The following ESRRG variants were observed in gnomAD, a reference collection of about 807,000 sequenced individuals.
ESRRG encodes estrogen-related receptor gamma.
Under a neutral mutation model 44.0 loss-of-function variants are expected in ESRRG, and 13 were observed. The ratio of observed to expected loss-of-function variants is 0.30; its 90% CI spans 0.19 to 0.47. ESRRG has a LOEUF of 0.47. Among genes scored for constraint, ESRRG ranks in the 20% least tolerant of loss-of-function variants. The pLI is 1.00. For synonymous variants in ESRRG, 215 were observed against 214.6 expected, an observed-to-expected ratio of 1.00 and a Z score of -0.02; for missense variants, 395 against 580.6, an observed-to-expected ratio of 0.68 and a Z score of 3.29.
At chr1:216,995,767 T>A (rs1401291987) in intron 1 of ESRRG, among the ~76,000 whole-genome samples, 2 of 152,236 alleles carry the variant, frequency 1.3e-5, no homozygotes, top group African/African-American at 4.8e-5. Context: ...TATGAATAAA[T>A]AAATGAGGTC....
At chr1:216,957,869 T>A (rs2068259750) in intron 1 of ESRRG, among the ~76,000 whole-genome samples, 2 of 152,184 alleles carry the variant, frequency 1.3e-5, no homozygotes, top group Non-Finnish European at 2.9e-5. Context: ...TTGACTATTG[T>A]AAAACCATCT....
At chr1:217,028,883 A>G (rs2081597976) in intron 1 of ESRRG, among the ~76,000 whole-genome samples, 1 of 152,204 alleles carries the variant, frequency 6.6e-6, no homozygotes, top group African/African-American at 2.4e-5. Flanking sequence ...TTGAAAAAAT[A>G]CTAAGTATTG....
chr1:216,752,956 CTAT>C (rs2092160889), intron 2 of ESRRG, among the ~76,000 whole-genome samples: 1 of 151,396 alleles, frequency 6.6e-6, no homozygotes, highest in East Asian at 1.9e-4. Flanking sequence ...TGCCTTCTCA[CTAT>C]TTTTTTTCAA....
chr1:216,562,888 T>G (rs2059043349), intron 5 of ESRRG, among the ~76,000 whole-genome samples: 1 of 152,172 alleles, frequency 6.6e-6, no homozygotes, highest in African/African-American at 2.4e-5. Context: ...TTGAAGTAAA[T>G]TCTGGCTGTT....
chr1:217,048,836 C>T (rs941185146), intron 1 of ESRRG, among the ~76,000 whole-genome samples: 1 of 152,166 alleles, frequency 6.6e-6, no homozygotes, highest in Non-Finnish European at 1.5e-5. Flanking sequence ...CTGCAACATA[C>T]CCTGGCCCCA....
chr1:216,776,075 T>C (rs1276051202), intron 2 of ESRRG, among the ~76,000 whole-genome samples: 1 of 152,088 alleles, frequency 6.6e-6, no homozygotes, highest in East Asian at 1.9e-4. Context: ...CTCCTCTATG[T>C]AAATCCCTAT....
chr1:216,798,657 G>T (rs923000291), intron 2 of ESRRG, among the ~76,000 whole-genome samples: 1 of 152,154 alleles, frequency 6.6e-6, no homozygotes, highest in Non-Finnish European at 1.5e-5. Flanking sequence ...GGCCTTTGCA[G>T]AAGTCCAGAT....
intron 2 of ESRRG, among the ~76,000 whole-genome samples, chr1:216,881,793 T>G (rs1180908040): frequency 1.3e-5 from 2 of 152,258 alleles, no homozygotes; most frequent in East Asian, 3.9e-4. Context: ...AAGCAAATGT[T>G]TCAAGGGGAA....
At chr1:216,931,256 C>A (rs569391312) in intron 2 of ESRRG, among the ~76,000 whole-genome samples, 2 of 152,264 alleles carry the variant, frequency 1.3e-5, no homozygotes, top group East Asian at 3.9e-4. Context: ...GTATTCCTTA[C>A]CCTTATTGAC....
intron 2 of ESRRG, among the ~76,000 whole-genome samples, chr1:216,825,412 C>T (rs181177574): frequency 4.3e-4 from 65 of 152,106 alleles, no homozygotes; most frequent in Admixed American, 1.3e-3. Context: ...TGTAAGTGTC[C>T]GCTGGGATAA....
intron 2 of ESRRG, among the ~76,000 whole-genome samples, chr1:216,798,484 G>A (rs1439594793): frequency 2.0e-5 from 3 of 152,138 alleles, no homozygotes; most frequent in Non-Finnish European, 4.4e-5. Flanking sequence ...GATGAAAAAG[G>A]CCTCCAGAAA....
At chr1:216,806,019 G>C (rs2094781530) in intron 2 of ESRRG, among the ~76,000 whole-genome samples, 1 of 152,130 alleles carries the variant, frequency 6.6e-6, no homozygotes, top group South Asian at 2.1e-4. Flanking sequence ...TTGGAACCTG[G>C]ATGCTATAAT....
chr1:216,908,631 G>A (rs2059949179), intron 2 of ESRRG, among the ~76,000 whole-genome samples: 1 of 152,064 alleles, frequency 6.6e-6, no homozygotes, highest in Non-Finnish European at 1.5e-5. Context: ...CTTTGTGAGA[G>A]TCCCCTCAAA....
chr1:216,768,309 C>A (rs183207236), intron 2 of ESRRG, among the ~76,000 whole-genome samples: 26 of 152,232 alleles, frequency 1.7e-4, no homozygotes, highest in Admixed American at 1.7e-3. Flanking sequence ...ACAAATGATG[C>A]TGTAATATCC....
chr1:217,082,094 C>T (rs912773988), intron 1 of ESRRG, among the ~76,000 whole-genome samples: 1 of 152,200 alleles, frequency 6.6e-6, no homozygotes, highest in African/African-American at 2.4e-5. Context: ...GCCCAGCTGC[C>T]CTGCAACTAC....
chr1:217,044,369 T>C (rs1169846156), intron 1 of ESRRG, among the ~76,000 whole-genome samples: 1 of 152,214 alleles, frequency 6.6e-6, no homozygotes, highest in Non-Finnish European at 1.5e-5. Context: ...ACTGTGTTCA[T>C]TAACTACAGG....
chr1:216,980,344 A>G (rs1176335198), intron 1 of ESRRG, among the ~76,000 whole-genome samples: 1 of 152,130 alleles, frequency 6.6e-6, no homozygotes, highest in Non-Finnish European at 1.5e-5. Flanking sequence ...CTCCAGCTAT[A>G]TGTCCCAGAA....
At chr1:216,990,978 G>A (rs895620876) in intron 1 of ESRRG, among the ~76,000 whole-genome samples, 15 of 152,128 alleles carry the variant, frequency 9.9e-5, no homozygotes, top group African/African-American at 3.4e-4. Context: ...TGGCCTGTTA[G>A]GAAACTGGTT....
intron 1 of ESRRG, among the ~76,000 whole-genome samples, chr1:217,019,076 G>A (rs1357832797): frequency 6.6e-6 from 1 of 152,142 alleles, no homozygotes; most frequent in Admixed American, 6.6e-5. Context: ...TTTAAAGTTG[G>A]AGAAAAGTTC....
Sources: allele counts gnomAD v4.1 joint callset (sites outside exome capture counted in the v4.1 genomes callset), GRCh38; gene constraint gnomAD v4.1.1; transcripts MANE v1.5; gene names NCBI Gene and HGNC (gene_info 2026-07-23, HGNC 2026-07-21).